The following HSD17B12 variants were observed in gnomAD, a reference collection of about 807,000 sequenced individuals.
HSD17B12 encodes the protein hydroxysteroid 17-beta dehydrogenase 12.
Under a neutral mutation model 39.3 loss-of-function variants are expected in HSD17B12, and 32 were observed. The observed-to-expected ratio is 0.81, with a 90% confidence interval of 0.61 to 1.09. The LOEUF (loss-of-function observed/expected upper bound fraction) is 1.09. HSD17B12 is among the 50% of genes least tolerant of loss of function. The pLI is 0.00. For synonymous variants in HSD17B12, 150 were observed against 146.7 expected, an observed-to-expected ratio of 1.02 and a Z score of -0.16; for missense variants, 342 against 382.9, an observed-to-expected ratio of 0.89 and a Z score of 0.89.
chr11:43,662,488 A>G, the HSD17B12 span, among the ~76,000 whole-genome samples: 1 of 145,830 alleles, frequency 6.9e-6, no homozygotes, highest in East Asian at 2.0e-4. Context: ...CAAATGATCC[A>G]CCCACCTTAG....
intron 1 of HSD17B12, among the ~76,000 whole-genome samples, chr11:43,721,977 G>A (rs1950180480): frequency 6.6e-6 from 1 of 152,166 alleles, no homozygotes; most frequent in Non-Finnish European, 1.5e-5. Flanking sequence ...AAATGATGGG[G>A]CCTTGAACCA....
chr11:43,754,214 A>C, intron 3 of HSD17B12, 93 bp downstream of exon 3: 1 of 837,068 alleles, frequency 1.2e-6, no homozygotes, highest in Non-Finnish European at 1.9e-6. Flanking sequence ...AGTTCAGGAA[A>C]CTTCTTTTTC....
Position 43,781,171 on chromosome 11 carries a change from C to G in HSD17B12, c.284-17149C>G, listed in dbSNP as rs537733187. The stretch of plus-strand genomic sequence containing the variant: ...CACCAGCTTCACCTATTCTGTTGCT[C>G]TTAACTTTCCATGATACAATCTCCT... On this transcript the variant is annotated intron_variant, in intron 3 of 10. Coordinates refer to ENST00000278353, the MANE Select transcript of HSD17B12 (RefSeq NM_016142.3). 1.5e-3 allele frequency among the ~76,000 whole-genome samples: 230 copies of G among 152,270 alleles called. 2 individuals are homozygous for G. Among genetic ancestry groups the G allele is most frequent in the African/African-American group, 5.3e-3 (220 of 41,556 alleles).
chr11:43,852,870 G>A (rs959595502), intron 9 of HSD17B12: 1 of 152,144 alleles, frequency 6.6e-6, no homozygotes, highest in Non-Finnish European at 1.5e-5. Flanking sequence ...TACTTAGTAT[G>A]AGTCTGTGGC....
chr11:43,840,797 T>C (rs1951418333), intron 9 of HSD17B12, among the ~76,000 whole-genome samples: 1 of 152,230 alleles, frequency 6.6e-6, no homozygotes, highest in African/African-American at 2.4e-5. Flanking sequence ...GGGTTGTTTC[T>C]ACCTGTTGGG....
At chr11:43,648,641 A>C in the HSD17B12 span, among the ~76,000 whole-genome samples, 1 of 152,226 alleles carries the variant, frequency 6.6e-6, no homozygotes, top group African/African-American at 2.4e-5. Flanking sequence ...TGTGTTTACC[A>C]ATCTAAAAAA....
chr11:43,667,382 C>A, the HSD17B12 span, among the ~76,000 whole-genome samples: 2 of 152,102 alleles, frequency 1.3e-5, no homozygotes, highest in Non-Finnish European at 2.9e-5. Context: ...GAACTCCTGA[C>A]CTCAAGTGAT....
At chr11:43,719,180 A>T (rs751540575) in intron 1 of HSD17B12, 5 of 733,014 alleles carry the variant, frequency 6.8e-6, no homozygotes, top group Non-Finnish European at 7.5e-6. Context: ...AAATATATGT[A>T]TATCTTTTCA....
the HSD17B12 span, among the ~76,000 whole-genome samples, chr11:43,619,783 TG>T: frequency 6.6e-6 from 1 of 152,230 alleles, no homozygotes; most frequent in Non-Finnish European, 1.5e-5. Context: ...GAGACCTTAC[TG>T]CATCTCATTT....
rs1480383833 is a variant in HSD17B12 at position 43,855,303 on chromosome 11, T to C, written c.*55T>C. 4 of 1,016,660 alleles carry C rather than the reference T, an allele frequency of 3.9e-6. No homozygotes were observed. The South Asian group carries it at 4.6e-5, about 12-fold the overall frequency. 63.0% of individuals were successfully genotyped at this position (1,016,660 alleles called of 1,614,324 possible). ...GATGCTCCAGCATATGCACGTTCAC[T>C]GCAAAGCACCCTACTGGTTTTGAAA... On this transcript the variant is annotated 3_prime_UTR_variant, in exon 11 of 11. Coordinates refer to ENST00000278353, the MANE Select transcript of HSD17B12 (RefSeq NM_016142.3).
chr11:43,639,036 C>A, the HSD17B12 span, among the ~76,000 whole-genome samples: 1 of 152,184 alleles, frequency 6.6e-6, no homozygotes, highest in Non-Finnish European at 1.5e-5. Flanking sequence ...GAAAAATAAG[C>A]CAACAGCCCT....
chr11:43,695,798 C>T (rs1449972042), intron 1 of HSD17B12, among the ~76,000 whole-genome samples: 1 of 152,070 alleles, frequency 6.6e-6, no homozygotes, highest in Non-Finnish European at 1.5e-5. Context: ...AGTAATTAAA[C>T]AGTCAGATTG....
the HSD17B12 span, among the ~76,000 whole-genome samples, chr11:43,558,870 C>T: frequency 1.3e-5 from 2 of 152,080 alleles, no homozygotes; most frequent in African/African-American, 4.8e-5. Context: ...AATCAGCATG[C>T]TATTGCCACC....
chr11:43,673,519 G>A, the HSD17B12 span: 1 of 83,938 alleles, frequency 1.2e-5, no homozygotes, highest in East Asian at 6.0e-4. Context: ...TTGAGACAGG[G>A]TCTCACTTTG....
the HSD17B12 span, among the ~76,000 whole-genome samples, chr11:43,565,973 G>T: frequency 6.6e-6 from 1 of 152,178 alleles, no homozygotes; most frequent in Non-Finnish European, 1.5e-5. Flanking sequence ...CTCAATGTTG[G>T]ATGGAACTCC....
the HSD17B12 span, among the ~76,000 whole-genome samples, chr11:43,608,370 A>G: frequency 6.6e-6 from 1 of 152,040 alleles, no homozygotes; most frequent in African/African-American, 2.4e-5. Context: ...CTCAAAAAAA[A>G]AAAAAAAGGA....
intron 3 of HSD17B12, among the ~76,000 whole-genome samples, chr11:43,773,744 G>A (rs1295854396): frequency 2.6e-5 from 4 of 152,030 alleles, no homozygotes; most frequent in Non-Finnish European, 4.4e-5. Flanking sequence ...TCATGGCCTT[G>A]GAAGGAATAC....
chr11:43,621,192 T>C, the HSD17B12 span, among the ~76,000 whole-genome samples: 1 of 152,146 alleles, frequency 6.6e-6, no homozygotes, highest in East Asian at 1.9e-4. Flanking sequence ...ACTGACATGC[T>C]TTTTCCTAGT....
In HSD17B12 at chr11:43,680,795, A is replaced by G. The variant is rs375652408; in HGVS notation, c.-33A>G. The G allele has an allele frequency of 4.4e-5, 69 of 1,584,420 alleles. No homozygotes were observed. Among genetic ancestry groups the G allele is most frequent in the Non-Finnish European group, 5.9e-5 (68 of 1,153,278 alleles). Reference sequence around the variant, plus strand: ...CTGGATTCATTCACTCGCTCTTTTCATTCACGAAGGTAGTGAGGCCTAGTG... The same window carrying G: ...CTGGATTCATTCACTCGCTCTTTTCGTTCACGAAGGTAGTGAGGCCTAGTG... On this transcript the variant is annotated 5_prime_UTR_variant, in exon 1 of 11. Transcript: ENST00000278353.
Sources: gnomAD v4.1 joint callset for allele counts (sites outside exome capture counted in the v4.1 genomes callset) on GRCh38, gnomAD v4.1.1 for gene constraint, MANE v1.5 for transcripts, NCBI Gene and HGNC (gene_info 2026-07-23, HGNC 2026-07-21) for gene names.